The following SLC2A5 variants were observed in gnomAD, a reference collection of about 807,000 sequenced individuals.
SLC2A5 encodes the protein solute carrier family 2 member 5, also known as solute carrier family 2, facilitated glucose transporter member 5.
SLC2A5 carries 56 observed loss-of-function variants against 50.3 expected under a neutral mutation model. The ratio of observed to expected loss-of-function variants is 1.11; its 90% confidence interval spans 0.90 to 1.39. The LOEUF (loss-of-function observed/expected upper bound fraction) is 1.39. SLC2A5 is among the 40% of genes most tolerant of loss of function. The pLI is 0.00. For missense variants in SLC2A5, 566 were observed against 650.1 expected (o/e 0.87, Z 1.41); for synonymous variants, 269 against 281.9 (o/e 0.95, Z 0.46).
chr1:9,083,780 G>A (rs1376624463), intron 2 of SLC2A5, among the ~76,000 whole-genome samples: 2 of 151,982 alleles, frequency 1.3e-5, no homozygotes, highest in African/African-American at 4.8e-5. Context: ...AGCCGAGATT[G>A]CACCATTGCA....
intron 1 of SLC2A5, among the ~76,000 whole-genome samples, chr1:9,059,536 CT>C (rs58395185): frequency 5.3e-4 from 52 of 98,394 alleles, no homozygotes; most frequent in South Asian, 1.1e-3. Flanking sequence ...TACAGAGAAT[CT>C]TTTTTTTTTT....
chr1:9,041,629 G>T (rs759008331), intron 5 of SLC2A5, 156 bp downstream of exon 5: 27 of 1,486,752 alleles, frequency 1.8e-5, no homozygotes, highest in Non-Finnish European at 9.8e-6. Flanking sequence ...TGCTATGTTG[G>T]CTCGGGACAG....
Position 9,040,414 on chromosome 1 carries a change from G to C in SLC2A5, c.572-225C>G, listed in dbSNP as rs1345629607. 3 of 565,506 alleles carry C rather than the reference G, an allele frequency of 5.3e-6. No individual in the cohort carries two copies. The highest frequency in any genetic ancestry group is 9.3e-6 in the Non-Finnish European group (3 of 321,080). The allele number at this position is 565,506 out of a possible 1,614,324, so 35.0% of individuals were successfully genotyped here. On this transcript the variant is annotated intron_variant, in intron 5 of 11. Coordinates refer to ENST00000377424, the MANE Select transcript of SLC2A5 (RefSeq NM_003039.3). The surrounding 1 kb of genome is among the most constrained non-coding windows in gnomAD (Gnocchi z 4.3). ...CTGCGCCCATCAGACAGACCACACC[G>C]ACGAGGCCGGTAATACCATGTGCTG...
Position 9,069,610 on chromosome 1 carries a change from A to G in SLC2A5, c.-74T>C, listed in dbSNP as rs1642171223. 1 of 1,558,890 alleles carries G rather than the reference A, an allele frequency of 6.4e-7. No homozygotes were observed. The highest frequency in any genetic ancestry group is 1.4e-5 in the African/African-American group (1 of 73,802). ...AACGCGTGCACTGAATGGAGAGAGA[A>G]GACATTCTGGGTGCACTTTGGCCAT... is the stretch of plus-strand genomic sequence containing the variant. On this transcript the variant is annotated 5_prime_UTR_variant, in exon 1 of 12. Transcript: ENST00000377424.
At position 9,040,006 on chromosome 1, in the gene SLC2A5, G is replaced by A; in HGVS notation, c.698-19C>T. 6.3e-7 allele frequency: 1 copy of A among 1,598,542 alleles called. No individual in the cohort carries two copies. Among genetic ancestry groups the A allele is most frequent in the Non-Finnish European group, 8.5e-7 (1 of 1,169,824 alleles). On this transcript the variant is annotated intron_variant, in intron 6 of 11. Coordinates refer to ENST00000377424, the MANE Select transcript of SLC2A5 (RefSeq NM_003039.3). The surrounding 1 kb of genome is among the most constrained non-coding windows in gnomAD (Gnocchi z 4.3). The stretch of plus-strand genomic sequence containing the variant: ...TGTAGGGCTGGGGAGAAGCGGCACC[G>A]TCGGACCAGGGCTGGGGAGCAGAAC...
rs745757013 is a variant in SLC2A5 at position 9,039,564 on chromosome 1, CA to C, written c.983del (p.Met328ArgfsTer27). ...TAGTGAVNVV[M>X]TFCAVFVVEL... ...CCAGGACACTCACGGCGCAGAAGGT[CA>C]TGACCACGTTCACGGCCCCGGTGCC... On this transcript the variant is annotated frameshift_variant, in exon 8 of 12. Coordinates refer to ENST00000377424, the MANE Select transcript of SLC2A5 (RefSeq NM_003039.3). LOFTEE classifies it high-confidence loss of function. The C allele has an allele frequency of 1.9e-6, 3 of 1,573,202 alleles. No individual in the cohort carries two copies. The highest frequency in any genetic ancestry group is 2.6e-6 in the Non-Finnish European group (3 of 1,160,372).
chr1:9,084,919 G>T (rs981203670), intron 2 of SLC2A5: 5 of 152,280 alleles, frequency 3.3e-5, no homozygotes, highest in African/African-American at 1.2e-4. Context: ...TCACATTTAA[G>T]TTCGAGAAGC....
chr1:9,086,387 C>CTCTTTTTTTT (rs1557687074), intron 1 of SLC2A5, among the ~76,000 whole-genome samples: 3 of 140,546 alleles, frequency 2.1e-5, no homozygotes, highest in African/African-American at 8.0e-5. Context: ...TTTTCTCTCT[C>CTCTTTTTTTT]TTTTTTTTTT....
intron 3 of SLC2A5, among the ~76,000 whole-genome samples, chr1:9,052,067 C>T (rs1360223557): frequency 2.6e-5 from 4 of 152,172 alleles, no homozygotes; most frequent in Non-Finnish European, 4.4e-5. Flanking sequence ...GGGCGGATCA[C>T]GAGGTCAAGA....
At chr1:9,059,291 C>G (rs900771375) in intron 1 of SLC2A5, among the ~76,000 whole-genome samples, 1 of 151,678 alleles carries the variant, frequency 6.6e-6, no homozygotes, top group East Asian at 1.9e-4. Flanking sequence ...TACAGGCACC[C>G]GCCACCACGC....
intron 1 of SLC2A5, among the ~76,000 whole-genome samples, chr1:9,066,942 C>T (rs959988788): frequency 5.3e-5 from 8 of 150,798 alleles, no homozygotes; most frequent in Non-Finnish European, 1.2e-4. Context: ...CCCACCATTG[C>T]ACTCTGGCCT....
intron 1 of SLC2A5, among the ~76,000 whole-genome samples, chr1:9,058,877 G>A (rs1285283402): frequency 6.6e-6 from 1 of 152,202 alleles, no homozygotes; most frequent in Non-Finnish European, 1.5e-5. Context: ...CATGGAAAGA[G>A]CTGCGGGCTT....
chr1:9,050,832 A>T (rs900267925), intron 3 of SLC2A5, among the ~76,000 whole-genome samples: 7 of 152,250 alleles, frequency 4.6e-5, no homozygotes, highest in African/African-American at 1.7e-4. Flanking sequence ...TAAAAATGTC[A>T]TAAAACACAG....
intron 3 of SLC2A5, among the ~76,000 whole-genome samples, 156 bp downstream of exon 3, chr1:9,057,292 T>TAAAAAAAAAAAAAAAAA (rs760221358): frequency 2.9e-5 from 3 of 103,412 alleles, no homozygotes; most frequent in South Asian, 2.6e-4. Context: ...TCTCAAAAAT[T>TAAAAAAAAAAAAAAAAA]AAAAAAAAAA....
At chr1:9,041,965 T>C (rs1218661652) in intron 4 of SLC2A5, 28 bp from the exon 5 acceptor site, 2 of 1,549,100 alleles carry the variant, frequency 1.3e-6, no homozygotes, top group South Asian at 2.5e-5. Flanking sequence ...AGAAACACCA[T>C]CAGAAAAAAT....
At chr1:9,065,954 T>A (rs993246682) in intron 1 of SLC2A5, among the ~76,000 whole-genome samples, 7 of 151,526 alleles carry the variant, frequency 4.6e-5, no homozygotes, top group East Asian at 1.9e-4. Flanking sequence ...AAAAAAAAAA[T>A]TTTTTTTTGA....
intron 3 of SLC2A5, among the ~76,000 whole-genome samples, chr1:9,053,083 ATATATAATATATATTTAT>A (rs1250569695): frequency 8.7e-6 from 1 of 114,746 alleles, no homozygotes; most frequent in Non-Finnish European, 1.7e-5. Flanking sequence ...TTATATATTA[ATATATAATATATATTTAT>A]ATATAATATA....
chr1:9,070,842 G>C (rs1557682417), upstream of SLC2A5, among the ~76,000 whole-genome samples: 3 of 152,004 alleles, frequency 2.0e-5, no homozygotes, highest in Non-Finnish European at 4.4e-5. Context: ...CCGTCTGTGT[G>C]TGTGTGTGTG....
chr1:9,074,521 G>C (rs1642259380), upstream of SLC2A5, among the ~76,000 whole-genome samples: 1 of 152,174 alleles, frequency 6.6e-6, no homozygotes. Flanking sequence ...GGTGAACACA[G>C]AGTAGCTACT....
Sources: gnomAD v4.1 joint callset for allele counts (sites outside exome capture counted in the v4.1 genomes callset) on GRCh38, gnomAD v4.1.1 for gene constraint, Gnocchi (gnomAD v3.1) non-coding constraint, MANE v1.5 for transcripts, NCBI Gene and HGNC (gene_info 2026-07-23, HGNC 2026-07-21) for gene names.